The following TRPM3 variants were observed in gnomAD, a reference collection of about 807,000 sequenced individuals.
The protein encoded by TRPM3 is transient receptor potential cation channel subfamily M member 3, also known as long transient receptor potential channel 3.
TRPM3 carries 77 observed loss-of-function variants against 181.2 expected under a neutral mutation model. The observed-to-expected ratio is 0.42, with a 90% CI of 0.35 to 0.51. The LOEUF (loss-of-function observed/expected upper bound fraction) is 0.51, where lower values mean the gene tolerates loss of function less well. Among genes scored for constraint, TRPM3 ranks in the 20% least tolerant of loss-of-function variants. The pLI is 0.01. For missense variants in TRPM3, 1,759 were observed against 2,196.7 expected, an observed-to-expected ratio of 0.80 and a Z score of 3.98; for synonymous variants, 745 against 796.4, an observed-to-expected ratio of 0.94 and a Z score of 1.09.
At chr9:71,317,152 A>G (rs1216801114) in intron 1 of TRPM3, among the ~76,000 whole-genome samples, 1 of 152,224 alleles carries the variant, frequency 6.6e-6, no homozygotes, top group Non-Finnish European at 1.5e-5. Context: ...ATTGTGGTGC[A>G]CATGAGAATG....
At chr9:70,865,740 A>G (rs2095636524) in intron 1 of TRPM3, among the ~76,000 whole-genome samples, 1 of 152,028 alleles carries the variant, frequency 6.6e-6, no homozygotes, top group Non-Finnish European at 1.5e-5. Flanking sequence ...ATTGCCTAAT[A>G]CTCGTGACAG....
intron 1 of TRPM3, among the ~76,000 whole-genome samples, chr9:70,941,309 A>T (rs1319692987): frequency 6.6e-6 from 1 of 152,088 alleles, no homozygotes; most frequent in East Asian, 1.9e-4. Context: ...TTCATGCTGG[A>T]TGCTTCCTGT....
At chr9:70,814,516 T>C (rs949576793) in intron 6 of TRPM3, among the ~76,000 whole-genome samples, 2 of 152,206 alleles carry the variant, frequency 1.3e-5, no homozygotes, top group Non-Finnish European at 2.9e-5. Flanking sequence ...GTAAAATAAT[T>C]TTGATTCTGA....
At chr9:70,575,307 C>T (rs1588672466) in intron 22 of TRPM3, among the ~76,000 whole-genome samples, 1 of 152,102 alleles carries the variant, frequency 6.6e-6, no homozygotes, top group Admixed American at 6.5e-5. Flanking sequence ...GAAGAAACAA[C>T]GGCTTTGCAA....
At chr9:70,620,578 C>T (rs1448996485) in intron 15 of TRPM3, among the ~76,000 whole-genome samples, 4 of 152,286 alleles carry the variant, frequency 2.6e-5, no homozygotes, top group Middle Eastern at 3.4e-3. Context: ...GGGAACATGT[C>T]AGTGTTACAC....
At chr9:70,572,794 A>AT (rs2052807597) in intron 22 of TRPM3, among the ~76,000 whole-genome samples, 1 of 152,206 alleles carries the variant, frequency 6.6e-6, no homozygotes, top group Non-Finnish European at 1.5e-5. Flanking sequence ...TACAAAATAC[A>AT]TTTTTTAAAC....
intron 1 of TRPM3, among the ~76,000 whole-genome samples, chr9:71,315,479 T>C (rs1449320249): frequency 6.6e-6 from 1 of 152,186 alleles, no homozygotes; most frequent in Non-Finnish European, 1.5e-5. Context: ...CTACTCTGTC[T>C]AGATCCCTGC....
At chr9:71,140,933 C>T (rs1176539852) in intron 1 of TRPM3, among the ~76,000 whole-genome samples, 7 of 152,188 alleles carry the variant, frequency 4.6e-5, no homozygotes, top group South Asian at 2.1e-4. Flanking sequence ...ATTCCTGAGC[C>T]GGACTCTATT....
chr9:71,045,724 G>C (rs1035792055), intron 1 of TRPM3, among the ~76,000 whole-genome samples: 9 of 152,182 alleles, frequency 5.9e-5, no homozygotes, highest in African/African-American at 1.9e-4. Context: ...TTTTCAAATT[G>C]TGAAGAGTTC....
intron 8 of TRPM3, among the ~76,000 whole-genome samples, chr9:70,682,324 A>C (rs2065667287): frequency 6.6e-6 from 1 of 152,204 alleles, no homozygotes. Flanking sequence ...ATGTAATCAA[A>C]ACATCACTAA....
intron 1 of TRPM3, among the ~76,000 whole-genome samples, chr9:71,420,563 G>T (rs891607452): frequency 1.5e-5 from 2 of 131,102 alleles, no homozygotes; most frequent in African/African-American, 2.8e-5. Context: ...GAAAGAGAAA[G>T]AAAAAGAGAA....
chr9:71,334,581 T>C (rs941582297), intron 1 of TRPM3, among the ~76,000 whole-genome samples: 1 of 152,126 alleles, frequency 6.6e-6, no homozygotes, highest in African/African-American at 2.4e-5. Context: ...AGAGAATGAA[T>C]CCCAAATAGC....
In TRPM3 at chr9:70,625,145, A is replaced by T. The variant is rs2064321740; in HGVS notation, c.1809+46T>A. ...AGAAGCCACAACCCAAATCCCATAC[A>T]CCCTAGTCCTCCCAGGAAGGGCCCC... is the stretch of plus-strand genomic sequence containing the variant. On this transcript the variant is annotated intron_variant, in intron 14 of 25. Coordinates refer to ENST00000677713, the MANE Select transcript of TRPM3 (RefSeq NM_001366145.2). This position sits in a 1 kb window ranked among gnomAD's most constrained non-coding sequence, Gnocchi z 4.8. The T allele has an allele frequency of 6.2e-7, 1 of 1,603,130 alleles. No homozygotes were observed. The highest frequency in any genetic ancestry group is 1.7e-5 in the Admixed American group (1 of 59,338).
At chr9:71,237,062 G>A (rs2309894) in intron 1 of TRPM3, among the ~76,000 whole-genome samples, 25 of 94,926 alleles carry the variant, frequency 2.6e-4, no homozygotes, top group South Asian at 7.1e-4. Flanking sequence ...AAAAAAAAAG[G>A]GGGGGGGAAA....
intron 6 of TRPM3, among the ~76,000 whole-genome samples, chr9:70,801,491 G>A (rs1232483344): frequency 1.3e-5 from 2 of 152,140 alleles, no homozygotes; most frequent in Non-Finnish European, 2.9e-5. Flanking sequence ...AATCTTATAA[G>A]GGGAAAATAT....
intron 1 of TRPM3, among the ~76,000 whole-genome samples, chr9:71,221,185 C>T (rs186380090): frequency 6.6e-6 from 1 of 152,224 alleles, no homozygotes; most frequent in Non-Finnish European, 1.5e-5. Context: ...CAAATCCTGA[C>T]TCTTCCCTGT....
chr9:70,961,137 A>G (rs555089809), intron 1 of TRPM3, among the ~76,000 whole-genome samples: 2 of 152,170 alleles, frequency 1.3e-5, no homozygotes, highest in African/African-American at 2.4e-5. Flanking sequence ...AAGGCAGGCG[A>G]GTAGGAGTCA....
chr9:70,678,329 G>A (rs1403739576), intron 9 of TRPM3, among the ~76,000 whole-genome samples: 2 of 151,936 alleles, frequency 1.3e-5, no homozygotes, highest in Admixed American at 6.6e-5. Flanking sequence ...GTGCAGTGGT[G>A]CAATCGTGAC....
At position 71,252,847 on chromosome 9, in the gene TRPM3, CTT is replaced by C. The variant is rs11417438; in HGVS notation, c.183+193804_183+193805del. Among the ~76,000 whole-genome samples, 64 of 84,756 alleles carry C rather than the reference CTT, an allele frequency of 7.6e-4. 1 individual carries two copies. Among genetic ancestry groups the C allele is most frequent in the African/African-American group, 3.1e-3 (59 of 19,092 alleles). The allele number at this position is 84,756 out of a possible 152,430, so 55.6% of individuals were successfully genotyped here. On this transcript the variant is annotated intron_variant, in intron 1 of 24. Coordinates refer to the TRPM3 transcript ENST00000357533. ...ACACCTCGCCTGGCTAATTTTGTCT[CTT>C]TTTTTTTTTTTTTTTTTTTTAGAAG... is the stretch of plus-strand genomic sequence containing the variant.
Sources: allele counts gnomAD v4.1 joint callset (sites outside exome capture counted in the v4.1 genomes callset), GRCh38; gene constraint gnomAD v4.1.1; non-coding constraint Gnocchi (gnomAD v3.1); transcripts MANE v1.5; gene names NCBI Gene and HGNC (gene_info 2026-07-23, HGNC 2026-07-21).